The following KIF26B variants were observed in gnomAD, a reference collection of about 807,000 sequenced individuals.
KIF26B encodes kinesin family member 26B.
Under a neutral mutation model 151.2 loss-of-function variants are expected in KIF26B, and 63 were observed. The ratio of observed to expected loss-of-function variants is 0.42; its 90% CI spans 0.34 to 0.51. KIF26B has a LOEUF of 0.51. KIF26B is among the 20% of genes least tolerant of loss of function. The probability of loss-of-function intolerance (pLI) is 0.07; values close to 1 mark genes in which losing one functional copy is unlikely to be tolerated. For missense variants in KIF26B, 2,813 were observed against 2,913.6 expected (o/e 0.97, Z 0.79); for synonymous variants, 1,357 against 1,262.1 (o/e 1.08, Z -1.59).
chr1:245,549,819 C>T (rs1661835290), intron 5 of KIF26B, among the ~76,000 whole-genome samples: 1 of 151,216 alleles, frequency 6.6e-6, no homozygotes, highest in African/African-American at 2.4e-5. Flanking sequence ...CTTGCTCTGT[C>T]GCCCAGGCTG....
intron 2 of KIF26B, among the ~76,000 whole-genome samples, chr1:245,243,147 A>C (rs3008473): frequency 0.89 from 134,878 of 152,200 alleles, 60,105 homozygotes; most frequent in Non-Finnish European, 0.94. Flanking sequence ...CTTATCACCA[A>C]ATTGCTCTCC....
chr1:245,606,014 T>C lies in KIF26B; in HGVS notation c.1558-1637T>C, dbSNP rs1045384300. 1.3e-5 allele frequency among the ~76,000 whole-genome samples: 2 copies of C among 152,178 alleles called. No individual in the cohort carries two copies. Among genetic ancestry groups the C allele is most frequent in the South Asian group, 2.1e-4 (1 of 4,834 alleles). ...TTATGTCCAAAGAAGGCTTAGTCCA[T>C]TGGGCAGCCTTCTGCCTGCTCTGCA... On this transcript the variant is annotated intron_variant, in intron 6 of 14. Transcript: ENST00000407071. The surrounding 1 kb of genome is among the most constrained non-coding windows in gnomAD (Gnocchi z 4.6).
In KIF26B at chr1:245,313,854, T is replaced by C. The variant is rs146138254; in HGVS notation, c.466-52980T>C. ...TTGTCCTGAAACTGTTAAAGCTCCT[T>C]AGCAAGACTGAGGCCCATCCTGATT... On this transcript the variant is annotated intron_variant, in intron 2 of 14. Transcript: ENST00000407071. Among the ~76,000 whole-genome samples, 586 of 152,262 alleles carry C rather than the reference T, an allele frequency of 3.8e-3. 4 individuals carry two copies. The highest frequency in any genetic ancestry group is 0.019 in the South Asian group (91 of 4,824).
chr1:245,201,361 G>C lies in KIF26B; in HGVS notation c.465+44678G>C, dbSNP rs143964906. Among the ~76,000 whole-genome samples, 349 of 152,318 alleles carry C rather than the reference G, an allele frequency of 2.3e-3. 2 individuals are homozygous for C. The highest frequency in any genetic ancestry group is 7.8e-3 in the African/African-American group (324 of 41,576). On this transcript the variant is annotated intron_variant, in intron 2 of 14. Coordinates refer to ENST00000407071, the MANE Select transcript of KIF26B (RefSeq NM_018012.4). ...GCACAGTGACCTGCCTTAACAGTTA[G>C]ATGTTAGTAGAGAGGACACAGAGAT...
chr1:245,382,749 G>A (rs1480741344), intron 3 of KIF26B, among the ~76,000 whole-genome samples: 2 of 151,876 alleles, frequency 1.3e-5, no homozygotes, highest in Admixed American at 6.6e-5. Flanking sequence ...TGTATTTTTA[G>A]TACAGACGGG....
At chr1:245,217,556 C>G (rs1486588444) in intron 2 of KIF26B, among the ~76,000 whole-genome samples, 1 of 151,650 alleles carries the variant, frequency 6.6e-6, no homozygotes, top group East Asian at 1.9e-4. Context: ...TTAATAGAGA[C>G]GGGGATTTTT....
intron 2 of KIF26B, among the ~76,000 whole-genome samples, chr1:245,361,338 G>C (rs1672813598): frequency 6.6e-6 from 1 of 152,162 alleles, no homozygotes; most frequent in African/African-American, 2.4e-5. Flanking sequence ...AGGGTAATTT[G>C]GTTTCTTATG....
At position 245,687,992 on chromosome 1, in the gene KIF26B, G is replaced by T. The variant is rs1003925058; in HGVS notation, c.5009G>T (p.Gly1670Val). The T allele has an allele frequency of 1.3e-6, 2 of 1,571,934 alleles. No homozygotes were observed. Among genetic ancestry groups the T allele is most frequent in the African/African-American group, 2.7e-5 (2 of 73,834 alleles). ...EQLASRSNSL[G>V]RATVSHYECL... ...CTGGCCAGCAGAAGCAACTCGCTGG[G>T]CAGGGCGACAGTCAGCCACTACGAA... Residue 1670 changes from glycine (G) to valine (V), a missense_variant, in exon 12 of 15, where the codon GGC becomes GTC. Coordinates refer to ENST00000407071, the MANE Select transcript of KIF26B (RefSeq NM_018012.4). This position sits in a 1 kb window ranked among gnomAD's most constrained non-coding sequence, Gnocchi z 4.9.
intron 5 of KIF26B, among the ~76,000 whole-genome samples, chr1:245,573,779 AC>A (rs2043089576): frequency 6.6e-6 from 1 of 152,142 alleles, no homozygotes. Context: ...CTCAGAAAGT[AC>A]CGAGCCCTGT....
intron 4 of KIF26B, among the ~76,000 whole-genome samples, chr1:245,502,200 G>A (rs1268855721): frequency 6.6e-6 from 1 of 152,092 alleles, no homozygotes; most frequent in African/African-American, 2.4e-5. Context: ...ACATCTTTTT[G>A]AGAATGAGTT....
At chr1:245,202,502 T>G (rs1669317530) in intron 2 of KIF26B, among the ~76,000 whole-genome samples, 1 of 152,216 alleles carries the variant, frequency 6.6e-6, no homozygotes, top group Non-Finnish European at 1.5e-5. Flanking sequence ...CTCACGCCTA[T>G]AATCCCAGCA....
chr1:245,395,455 C>T (rs551411727), intron 3 of KIF26B, among the ~76,000 whole-genome samples: 26 of 152,274 alleles, frequency 1.7e-4, no homozygotes, highest in Admixed American at 4.6e-4. Flanking sequence ...CTTTCCTGTT[C>T]GCTGCAGAGC....
intron 2 of KIF26B, among the ~76,000 whole-genome samples, chr1:245,292,196 T>A (rs772868416): frequency 6.6e-6 from 1 of 152,204 alleles, no homozygotes; most frequent in Non-Finnish European, 1.5e-5. Flanking sequence ...CTAAAGTTAC[T>A]GAGAACCTTG....
At chr1:245,676,963 C>T (rs557478168) in intron 10 of KIF26B, among the ~76,000 whole-genome samples, 76 of 152,206 alleles carry the variant, frequency 5.0e-4, no homozygotes, top group African/African-American at 1.8e-3. Flanking sequence ...AGGATGGTGT[C>T]GGGAAGAACG....
intron 2 of KIF26B, among the ~76,000 whole-genome samples, chr1:245,315,613 T>C (rs1671753902): frequency 6.6e-6 from 1 of 151,462 alleles, no homozygotes; most frequent in African/African-American, 2.4e-5. Context: ...TCCCAGCTAC[T>C]TGGGAGGCTA....
At chr1:245,374,648 C>A (rs1291229815) in intron 3 of KIF26B, among the ~76,000 whole-genome samples, 1 of 152,098 alleles carries the variant, frequency 6.6e-6, no homozygotes, top group African/African-American at 2.4e-5. Context: ...ACGATTAGAC[C>A]AATTATGACG....
At chr1:245,350,845 A>G (rs944900838) in intron 2 of KIF26B, among the ~76,000 whole-genome samples, 5 of 152,194 alleles carry the variant, frequency 3.3e-5, no homozygotes, top group Admixed American at 3.3e-4. Context: ...TGAAGTCTTC[A>G]TGGGTAACTA....
At chr1:245,415,012 C>T (rs998862095) in intron 3 of KIF26B, among the ~76,000 whole-genome samples, 3 of 152,156 alleles carry the variant, frequency 2.0e-5, no homozygotes, top group Non-Finnish European at 4.4e-5. Flanking sequence ...GACCAATCAT[C>T]GGACTCCTCT....
At chr1:245,221,638 A>C (rs12138515) in intron 2 of KIF26B, among the ~76,000 whole-genome samples, 50,800 of 151,998 alleles carry the variant, frequency 0.33, 8,794 homozygotes, top group East Asian at 0.61. Flanking sequence ...AACTCCTGAC[A>C]TCAGGTGGTC....
Sources: gnomAD v4.1 joint callset for allele counts (sites outside exome capture counted in the v4.1 genomes callset) on GRCh38, gnomAD v4.1.1 for gene constraint, Gnocchi (gnomAD v3.1) non-coding constraint, MANE v1.5 for transcripts, NCBI Gene and HGNC (gene_info 2026-07-23, HGNC 2026-07-21) for gene names.